The following TRA2A variants were observed in gnomAD, a reference collection of about 807,000 sequenced individuals.
TRA2A encodes the protein transformer-2 protein homolog alpha.
A neutral mutation model predicts 45.7 loss-of-function variants in TRA2A; 31 were observed. That is an observed-to-expected ratio of 0.68 (90% confidence interval 0.51 to 0.92). TRA2A has a LOEUF of 0.92. Ranked by LOEUF, TRA2A falls within the 40% of genes least tolerant of loss-of-function variation. TRA2A has a pLI of 0.00. For missense variants in TRA2A, 304 were observed against 367.5 expected, an observed-to-expected ratio of 0.83 and a Z score of 1.41; for synonymous variants, 132 against 126.2, an observed-to-expected ratio of 1.05 and a Z score of -0.31.
rs1273857644 is a variant in TRA2A at position 23,512,910 on chromosome 7, A to G, written c.509T>C (p.Ile170Thr). ...CAAATTTACCTCCTTTGAGTCATCT[A>G]TTCTCTCAAAATACACAAAAGCAAA... ...RGFAFVYFER[I>T]DDSKEAMERA... Residue 170 changes from isoleucine (I) to threonine (T), a missense_variant, in exon 4 of 8, where the codon ATA becomes ACA. Transcript: ENST00000297071. The G allele has an allele frequency of 6.2e-7, 1 of 1,613,030 alleles. No individual in the cohort carries two copies. Among genetic ancestry groups the G allele is most frequent in the Non-Finnish European group, 8.5e-7 (1 of 1,179,486 alleles).
At chr7:23,531,766 G>C (rs1446636982) in intron 1 of TRA2A, 23 bp downstream of exon 1, 1 of 1,612,734 alleles carries the variant, frequency 6.2e-7, no homozygotes, top group Non-Finnish European at 8.5e-7. Flanking sequence ...CCGCCTAGAC[G>C]GCTCCCGCGG....
Position 23,512,995 on chromosome 7 carries a change from A to G in TRA2A, c.424T>C (p.Tyr142His). 6.2e-7 allele frequency: 1 copy of G among 1,614,056 alleles called. No homozygotes were observed. The highest frequency in any genetic ancestry group is 8.5e-7 in the Non-Finnish European group (1 of 1,179,992). Residue 142 changes from tyrosine (Y) to histidine (H), a missense_variant, in exon 4 of 8, where the codon TAT (tyrosine) becomes CAT (histidine). By Grantham distance (83) the Tyr-to-His change is moderately conservative. Transcript: ENST00000297071. ...ACATTGACACCACTCAATGGTCCATATCGAGAAAATACTTCACGAAGATCC... is the reference window on the plus strand; with the variant it reads ...ACATTGACACCACTCAATGGTCCATGTCGAGAAAATACTTCACGAAGATCC... ...ERDLREVFSR[Y>H]GPLSGVNVVY...
At chr7:23,523,863 A>G (rs149773244) in intron 1 of TRA2A, among the ~76,000 whole-genome samples, 7 of 152,236 alleles carry the variant, frequency 4.6e-5, no homozygotes, top group Admixed American at 2.6e-4. Context: ...AATCAAACTC[A>G]TAAGAGTATC....
At chr7:23,507,299 T>C in intron 5 of TRA2A, 121 bp downstream of exon 5, 2 of 739,252 alleles carry the variant, frequency 2.7e-6, no homozygotes, top group Non-Finnish European at 4.6e-6. Flanking sequence ...AGCAGGGTTT[T>C]GCCATGTTGC....
At chr7:23,522,615 TAACAA>T (rs1790181470) in intron 1 of TRA2A, among the ~76,000 whole-genome samples, 1 of 151,508 alleles carries the variant, frequency 6.6e-6, no homozygotes, top group South Asian at 2.1e-4. Context: ...CTCTAGTTTC[TAACAA>T]AGAGAATTTA....
At chr7:23,507,192 C>T in intron 5 of TRA2A, 2 of 496,018 alleles carry the variant, frequency 4.0e-6, no homozygotes, top group Admixed American at 6.6e-5. Flanking sequence ...CCTCTGCCTC[C>T]CAAGTTCAAG....
chr7:23,515,900 C>T (rs1789845806), intron 3 of TRA2A, among the ~76,000 whole-genome samples: 1 of 151,698 alleles, frequency 6.6e-6, no homozygotes, highest in Non-Finnish European at 1.5e-5. Context: ...CCCGGCCAGG[C>T]ATGGTAGCTC....
chr7:23,529,524 A>G (rs184995320), intron 1 of TRA2A, among the ~76,000 whole-genome samples: 1 of 152,232 alleles, frequency 6.6e-6, no homozygotes, highest in Non-Finnish European at 1.5e-5. Flanking sequence ...CCTCCCAAAA[A>G]TTGTTGGATT....
At chr7:23,506,404 T>C in intron 5 of TRA2A, 138 bp from the exon 6 acceptor site, 1 of 1,058,432 alleles carries the variant, frequency 9.4e-7, no homozygotes, top group African/African-American at 1.6e-5. Context: ...GTATCTCATT[T>C]TACTGACTCC....
intron 4 of TRA2A, among the ~76,000 whole-genome samples, chr7:23,509,517 T>A (rs887812414): frequency 1.3e-5 from 2 of 151,842 alleles, no homozygotes; most frequent in Non-Finnish European, 2.9e-5. Flanking sequence ...GGGGGGATCA[T>A]GAGGTATCAA....
At chr7:23,530,063 C>A (rs1232300143) in intron 1 of TRA2A, among the ~76,000 whole-genome samples, 1 of 152,128 alleles carries the variant, frequency 6.6e-6, no homozygotes, top group East Asian at 1.9e-4. Context: ...AACCAAACAT[C>A]AATCCCCCAA....
chr7:23,529,189 T>C (rs1305048731), intron 1 of TRA2A, among the ~76,000 whole-genome samples: 2 of 152,228 alleles, frequency 1.3e-5, no homozygotes, highest in Non-Finnish European at 1.5e-5. Context: ...TCATTACTTT[T>C]ATCAAGACAT....
intron 4 of TRA2A, 126 bp downstream of exon 4, chr7:23,512,768 A>G: frequency 1.2e-6 from 1 of 855,302 alleles, no homozygotes; most frequent in Non-Finnish European, 1.7e-6. Flanking sequence ...GCAAGATCCT[A>G]TCTTTAAAAA....
At chr7:23,531,329 G>A (rs1010791263) in intron 1 of TRA2A, 38 of 852,588 alleles carry the variant, frequency 4.5e-5, no homozygotes, top group Non-Finnish European at 5.4e-5. Flanking sequence ...GCTTCTCCCC[G>A]CCCGGAAAGC....
chr7:23,515,239 T>C (rs1296471255), intron 3 of TRA2A, among the ~76,000 whole-genome samples: 1 of 145,128 alleles, frequency 6.9e-6, no homozygotes, highest in Non-Finnish European at 1.5e-5. Context: ...TTTTTTTTTT[T>C]TTTTTTTTGA....
At chr7:23,529,260 A>G (rs1274668724) in intron 1 of TRA2A, among the ~76,000 whole-genome samples, 23 of 152,140 alleles carry the variant, frequency 1.5e-4, no homozygotes, top group Non-Finnish European at 1.5e-5. Flanking sequence ...TCCACTTAAA[A>G]TTGCTTTTAT....
chr7:23,525,016 C>T (rs749459361), intron 1 of TRA2A, among the ~76,000 whole-genome samples: 46 of 152,140 alleles, frequency 3.0e-4, no homozygotes, highest in Non-Finnish European at 6.0e-4. Flanking sequence ...AAACAACTTA[C>T]AAACTTATAT....
chr7:23,520,428 T>C (rs1217278121), intron 2 of TRA2A, among the ~76,000 whole-genome samples: 2 of 152,334 alleles, frequency 1.3e-5, no homozygotes, highest in African/African-American at 4.8e-5. Flanking sequence ...CTCCTTTCTA[T>C]TTCTAAGCTC....
intron 4 of TRA2A, among the ~76,000 whole-genome samples, chr7:23,509,283 A>C (rs1005497700): frequency 2.6e-5 from 4 of 152,146 alleles, no homozygotes; most frequent in African/African-American, 9.7e-5. Context: ...CCCCAAAAAA[A>C]CACACACAAA....
Sources: allele counts gnomAD v4.1 joint callset (sites outside exome capture counted in the v4.1 genomes callset), GRCh38; gene constraint gnomAD v4.1.1; transcripts MANE v1.5; gene names NCBI Gene and HGNC (gene_info 2026-07-23, HGNC 2026-07-21).